The following ZFC3H1 variants were observed in gnomAD, a reference collection of about 807,000 sequenced individuals.
The protein encoded by ZFC3H1 is zinc finger C3H1-type containing, also known as zinc finger C3H1 domain-containing protein.
Under a neutral mutation model 243.7 loss-of-function variants are expected in ZFC3H1, and 71 were observed. The observed-to-expected ratio is 0.29, with a 90% CI of 0.24 to 0.36. The LOEUF is 0.36. Among genes scored for constraint, ZFC3H1 ranks in the 10% least tolerant of loss-of-function variants. The probability of loss-of-function intolerance (pLI) is 1.00; values close to 1 mark genes in which losing one functional copy is unlikely to be tolerated. For missense variants in ZFC3H1, 1,966 were observed against 2,317.1 expected (o/e 0.85, Z 3.11); for synonymous variants, 838 against 813.0 (o/e 1.03, Z -0.52).
rs1230296516 is a variant in ZFC3H1, at chr12:71,663,477, C to T, written c.134G>A (p.Ser45Asn). 1.9e-6 allele frequency: 3 copies of T among 1,609,898 alleles called. No homozygotes were observed. The highest frequency in any genetic ancestry group is 1.7e-6 in the Non-Finnish European group (2 of 1,178,852). ...CGGATAGGGTAACAGCCCGCCGCCG[C>T]TGCTGCTGCTGCTGCTCCGACTCCG... ...QIRSRSSSSS[S>N]GGGLLPYPRR... The change falls in exon 1 of 35, where the codon AGC (serine) becomes AAC (asparagine). Residue 45 changes from serine (S) to asparagine (N), a missense_variant. By Grantham distance (46) the Ser-to-Asn change is conservative. This residue lies in a region of ZFC3H1 where 484 missense variants were observed against 449.7 expected (regional missense o/e 1.08). Transcript: ENST00000378743.
At chr12:71,644,679 G>A (rs538133368) in intron 4 of ZFC3H1, among the ~76,000 whole-genome samples, 198 bp downstream of exon 4, 5 of 152,128 alleles carry the variant, frequency 3.3e-5, no homozygotes, top group Non-Finnish European at 5.9e-5. Context: ...TTAGCCAGGC[G>A]TGGTGGTGGG....
chr12:71,650,777 T>C lies in ZFC3H1; in HGVS notation c.1016-2964A>G, dbSNP rs978935090. On this transcript the variant is annotated intron_variant, in intron 2 of 34. Coordinates refer to ENST00000378743, the MANE Select transcript of ZFC3H1 (RefSeq NM_144982.5). Reference sequence around the variant, plus strand: ...AATATTCTCAGCAATGCAGCCAGAGTGATGCCTTAAAAATATAAAACAGAT... The same window carrying C: ...AATATTCTCAGCAATGCAGCCAGAGCGATGCCTTAAAAATATAAAACAGAT... Among the ~76,000 whole-genome samples the C allele has an allele frequency of 8.5e-5, 13 of 152,048 alleles. No individual in the cohort carries two copies. In the East Asian group the frequency reaches 1.3e-3, roughly 16 times the overall value.
intron 21 of ZFC3H1, 62 bp downstream of exon 21, chr12:71,627,689 A>G (rs887346386): frequency 2.8e-5 from 42 of 1,508,090 alleles, no homozygotes; most frequent in Non-Finnish European, 3.8e-5. Flanking sequence ...ATAGGTAAAA[A>G]AACCTCAAAC....
chr12:71,663,801 C>T lies in ZFC3H1; in HGVS notation c.-191G>A, dbSNP rs1261656713. 1.6e-6 allele frequency: 1 copy of T among 644,628 alleles called. No individual in the cohort carries two copies. Among genetic ancestry groups the T allele is most frequent in the African/African-American group, 1.8e-5 (1 of 54,820 alleles). The allele number at this position is 644,628 out of a possible 1,614,324, so 39.9% of individuals were successfully genotyped here. A position where few individuals can be genotyped will look rare whatever the true frequency, so the allele number is the denominator to read the frequency against. The stretch of plus-strand genomic sequence containing the variant: ...CTCTCTCTCGCCGGACCGTCGCAAC[C>T]CAGTTCCCTTTCCTAGCGCCCCCTT... On this transcript the variant is annotated 5_prime_UTR_variant, in exon 1 of 35. Transcript: ENST00000378743.
chr12:71,635,382 A>C, intron 10 of ZFC3H1, 61 bp downstream of exon 10: 1 of 1,522,228 alleles, frequency 6.6e-7, no homozygotes, highest in Non-Finnish European at 8.7e-7. Flanking sequence ...TTCAGGAAAA[A>C]ATAAACTTTA....
chr12:71,627,096 T>TA (rs1880188369), intron 21 of ZFC3H1, among the ~76,000 whole-genome samples: 1 of 151,024 alleles, frequency 6.6e-6, no homozygotes, highest in African/African-American at 2.4e-5. Flanking sequence ...TTAAAAGCTT[T>TA]AAGATAGTCA....
At chr12:71,637,480 GAAT>G (rs1250718202) in intron 7 of ZFC3H1, among the ~76,000 whole-genome samples, 4 of 152,248 alleles carry the variant, frequency 2.6e-5, no homozygotes, top group Admixed American at 6.5e-5. Flanking sequence ...GGGATTCTGT[GAAT>G]AATAGTCCAG....
chr12:71,637,743 T>A (rs937315298), intron 7 of ZFC3H1, among the ~76,000 whole-genome samples: 7 of 152,120 alleles, frequency 4.6e-5, no homozygotes, highest in African/African-American at 1.4e-4. Context: ...CCTCACCATA[T>A]ATGTTCTAGA....
chr12:71,613,245 G>T, intron 31 of ZFC3H1, 90 bp downstream of exon 31: 1 of 905,546 alleles, frequency 1.1e-6, no homozygotes, highest in Non-Finnish European at 1.6e-6. Context: ...TGGAACAACA[G>T]ACTATTTTTA....
chr12:71,644,833 A>C (rs1281810065), intron 4 of ZFC3H1, 44 bp downstream of exon 4: 1 of 1,586,142 alleles, frequency 6.3e-7, no homozygotes, highest in Non-Finnish European at 8.6e-7. Context: ...AACAAAAGAA[A>C]AGAAAACAAA....
rs777595282 is a variant in ZFC3H1 at position 71,623,461 on chromosome 12, T to C, written c.4643A>G (p.Asp1548Gly). ...LPSKFYDPSN[D>G]NPSRIVNTES... is the part of the protein sequence containing the mutation. ...AGTGTTAACAATTCTTGAAGGATTA[T>C]CATTAGATGGATCATAAAATTTTGA... The change falls in exon 24 of 35, where the codon GAT becomes GGT. Residue 1548 changes from aspartate (D) to glycine (G), a missense_variant. Asp to Gly is a moderately conservative substitution (Grantham distance 94). Around this residue, in one of 4 missense-constraint regions of ZFC3H1, gnomAD observed 1,383 missense variants for 1,723.7 expected, o/e 0.80. Transcript: ENST00000378743. 1 of 1,613,834 alleles carries C rather than the reference T, an allele frequency of 6.2e-7. No individual in the cohort carries two copies. Among genetic ancestry groups the C allele is most frequent in the East Asian group, 2.2e-5 (1 of 44,792 alleles).
At chr12:71,643,908 T>C (rs1486173883) in intron 5 of ZFC3H1, among the ~76,000 whole-genome samples, 187 bp downstream of exon 5, 1 of 152,264 alleles carries the variant, frequency 6.6e-6, no homozygotes, top group African/African-American at 2.4e-5. Flanking sequence ...CTGCTAATAA[T>C]AATTTTAGCC....
rs1880470108 is a variant in ZFC3H1, at chr12:71,636,641, T to C, written c.1949A>G (p.Asn650Ser). 1.9e-6 allele frequency: 3 copies of C among 1,606,894 alleles called. No individual in the cohort carries two copies. The highest frequency in any genetic ancestry group is 1.7e-6 in the Non-Finnish European group (2 of 1,178,206). Residue 650 changes from asparagine (N) to serine (S), a missense_variant, in exon 9 of 35, where the codon AAT becomes AGT. By Grantham distance (46) the Asn-to-Ser change is conservative. Transcript: ENST00000378743. ...RAFKPEETSS[N>S]SDPPSPPVLN... ...AACTGGAGGTGAAGGTGGGTCACTA[T>C]TACTGGATGTTTCCTACATAAGGAA...
intron 27 of ZFC3H1, among the ~76,000 whole-genome samples, chr12:71,618,915 A>G (rs770928797): frequency 2.0e-5 from 3 of 152,242 alleles, no homozygotes; most frequent in Non-Finnish European, 4.4e-5. Context: ...AGAATTAAAA[A>G]AAGAAAAAGG....
chr12:71,644,387 A>T, intron 4 of ZFC3H1, 69 bp from the exon 5 acceptor site: 14 of 1,483,370 alleles, frequency 9.4e-6, no homozygotes, highest in Non-Finnish European at 1.3e-5. Flanking sequence ...GTCTTAAAAA[A>T]TATTTTCATT....
chr12:71,636,201 C>A (rs1017493331), intron 9 of ZFC3H1, among the ~76,000 whole-genome samples: 2 of 151,884 alleles, frequency 1.3e-5, no homozygotes, highest in East Asian at 3.9e-4. Flanking sequence ...CTGAATGAGC[C>A]CATTTCTATA....
chr12:71,621,178 A>C (rs995317075), intron 24 of ZFC3H1, among the ~76,000 whole-genome samples: 2 of 152,190 alleles, frequency 1.3e-5, no homozygotes, highest in Admixed American at 6.5e-5. Context: ...AGCCTCAACT[A>C]CTGCATAATT....
At chr12:71,619,129 A>G (rs1016550158) in intron 27 of ZFC3H1, among the ~76,000 whole-genome samples, 186 bp downstream of exon 27, 8 of 152,242 alleles carry the variant, frequency 5.3e-5, no homozygotes, top group African/African-American at 1.9e-4. Context: ...ACAGAATGTT[A>G]AAGAATTTTC....
intron 19 of ZFC3H1, 125 bp downstream of exon 19, chr12:71,629,484 C>T (rs2137532145): frequency 3.1e-6 from 2 of 642,518 alleles, no homozygotes; most frequent in Non-Finnish European, 5.3e-6. Flanking sequence ...ATATGTATTA[C>T]ATTAAGAACA....
Sources: allele counts gnomAD v4.1 joint callset (sites outside exome capture counted in the v4.1 genomes callset), GRCh38; gene constraint gnomAD v4.1.1; regional missense constraint gnomAD v4.1.1; transcripts MANE v1.5; gene names NCBI Gene and HGNC (gene_info 2026-07-23, HGNC 2026-07-21).